RUBCN: variants seen among roughly 807,000 people sequenced by gnomAD.
The protein encoded by RUBCN is run domain Beclin-1-interacting and cysteine-rich domain-containing protein.
A neutral mutation model predicts 113.2 loss-of-function variants in RUBCN; 74 were observed. The ratio of observed to expected loss-of-function variants is 0.65; its 90% CI spans 0.54 to 0.79. The LOEUF (loss-of-function observed/expected upper bound fraction) is 0.79, where lower values mean the gene tolerates loss of function less well. Among genes scored for constraint, RUBCN ranks in the 30% least tolerant of loss-of-function variants. RUBCN has a pLI of 0.00. For synonymous variants in RUBCN, 480 were observed against 490.0 expected (o/e 0.98, Z 0.27); for missense variants, 1,109 against 1,251.7 (o/e 0.89, Z 1.72).
chr3:197,681,277 C>CGGCT lies in RUBCN; in HGVS notation c.2278_2281dup (p.Arg761GlnfsTer24). The CGGCT allele has an allele frequency of 6.2e-7, 1 of 1,614,158 alleles. No homozygotes were observed. The highest frequency in any genetic ancestry group is 8.5e-7 in the Non-Finnish European group (1 of 1,180,014). On this transcript the variant is annotated frameshift_variant, in exon 16 of 20. Coordinates refer to ENST00000296343, the MANE Select transcript of RUBCN (RefSeq NM_014687.4). LOFTEE classifies it high-confidence loss of function. The surrounding 1 kb of genome is among the most constrained non-coding windows in gnomAD (Gnocchi z 5.5). ...GCTGAAGTCCCACTTGCGCAGAACC[C>CGGCT]GGCTGGGGATGGCCATCTGGGCATT... is the stretch of plus-strand genomic sequence containing the variant.
At chr3:197,735,300 G>A (rs1727991222) in intron 1 of RUBCN, among the ~76,000 whole-genome samples, 1 of 152,236 alleles carries the variant, frequency 6.6e-6, no homozygotes, top group South Asian at 2.1e-4. Context: ...TTGGGAAGCT[G>A]AGCTAGTATA....
At position 197,668,943 on chromosome 3, in the gene RUBCN, C is replaced by T. The variant is rs1719563903; in HGVS notation, c.*6075G>A. On this transcript the variant is annotated 3_prime_UTR_variant, in exon 20 of 20. Transcript: ENST00000296343. Reference sequence around the variant, plus strand: ...TAAGCAGATAAGAGGAAAAAATACTCCACAATGCCACCATTCTAACAGAAC... The same window carrying T: ...TAAGCAGATAAGAGGAAAAAATACTTCACAATGCCACCATTCTAACAGAAC... Among the ~76,000 whole-genome samples, 1 of 152,118 alleles carries T rather than the reference C, an allele frequency of 6.6e-6. No individual in the cohort carries two copies. The highest frequency in any genetic ancestry group is 2.4e-5 in the African/African-American group (1 of 41,404).
At chr3:197,749,544 G>T (rs1728914364) in exon 1 of RUBCN, 1 of 1,291,250 alleles carries the variant, frequency 7.7e-7, no homozygotes, top group Admixed American at 2.3e-5. Flanking sequence ...GCTGCGTTGC[G>T]GTGGGCGCGA....
At position 197,673,749 on chromosome 3, in the gene RUBCN, C is replaced by G. The variant is rs915880600; in HGVS notation, c.*1269G>C. 2.0e-5 allele frequency: 3 copies of G among 152,634 alleles called. No individual in the cohort carries two copies. The highest frequency in any genetic ancestry group is 7.2e-5 in the African/African-American group (3 of 41,462). 9.5% of individuals were successfully genotyped at this position (152,634 alleles called of 1,614,324 possible). ...CACATTAACGGGGGGAGGGGGGCAG[C>G]ACACTAAAATCAGCATTATCAAATG... On this transcript the variant is annotated 3_prime_UTR_variant, in exon 20 of 20. Coordinates refer to ENST00000296343, the MANE Select transcript of RUBCN (RefSeq NM_014687.4).
chr3:197,671,232 T>C lies in RUBCN; in HGVS notation c.*3786A>G, dbSNP rs1218045316. Among the ~76,000 whole-genome samples the C allele has an allele frequency of 1.3e-5, 2 of 152,162 alleles. No individual in the cohort carries two copies. The highest frequency in any genetic ancestry group is 2.9e-5 in the Non-Finnish European group (2 of 68,036). On this transcript the variant is annotated 3_prime_UTR_variant, in exon 20 of 20. Coordinates refer to ENST00000296343, the MANE Select transcript of RUBCN (RefSeq NM_014687.4). ...TTTTGTGATGTTAGCCAGGCTGGTCTTGAATTCCTGACCTCAGGTGATCCC... is the reference window on the plus strand; with the variant it reads ...TTTTGTGATGTTAGCCAGGCTGGTCCTGAATTCCTGACCTCAGGTGATCCC...
chr3:197,680,807 C>A (rs965900578), intron 16 of RUBCN, among the ~76,000 whole-genome samples: 7 of 152,072 alleles, frequency 4.6e-5, no homozygotes, highest in African/African-American at 1.4e-4. Flanking sequence ...CAAGTGCTAT[C>A]TACAGCTTCC....
chr3:197,704,471 A>C, intron 4 of RUBCN, 71 bp downstream of exon 4: 4 of 1,411,004 alleles, frequency 2.8e-6, no homozygotes, highest in Non-Finnish European at 4.0e-6. Context: ...CTGGTACCAG[A>C]GGGGTAGAGG....
intron 13 of RUBCN, among the ~76,000 whole-genome samples, 185 bp from the exon 14 acceptor site, chr3:197,682,800 A>T (rs1721397952): frequency 6.6e-6 from 1 of 152,170 alleles, no homozygotes; most frequent in Non-Finnish European, 1.5e-5. Context: ...AGTGAAAGAC[A>T]TTTCAGGAAC....
chr3:197,681,922 C>T lies in RUBCN; in HGVS notation c.2127-23G>A. On this transcript the variant is annotated intron_variant, in intron 14 of 19. Transcript: ENST00000296343. This position sits in a 1 kb window ranked among gnomAD's most constrained non-coding sequence, Gnocchi z 5.5. Reference sequence around the variant, plus strand: ...CTCCTGAGGAAGGGTAAGGACAGGGCATTGGCACAGAGCAGCTGCGTGAGA... The same window carrying T: ...CTCCTGAGGAAGGGTAAGGACAGGGTATTGGCACAGAGCAGCTGCGTGAGA... 6.2e-7 allele frequency: 1 copy of T among 1,603,326 alleles called. No homozygotes were observed.
At chr3:197,733,297 A>G (rs1727732035) in intron 1 of RUBCN, among the ~76,000 whole-genome samples, 1 of 152,014 alleles carries the variant, frequency 6.6e-6, no homozygotes, top group African/African-American at 2.4e-5. Flanking sequence ...ACATGGTGAG[A>G]CTCTGTCACT....
At chr3:197,679,637 C>G (rs1175960811) in intron 16 of RUBCN, among the ~76,000 whole-genome samples, 1 of 148,022 alleles carries the variant, frequency 6.8e-6, no homozygotes, top group Non-Finnish European at 1.5e-5. Flanking sequence ...GTCCTACGCT[C>G]TAACTGACAA....
At chr3:197,704,178 T>C (rs1286825695) in intron 4 of RUBCN, among the ~76,000 whole-genome samples, 3 of 152,220 alleles carry the variant, frequency 2.0e-5, no homozygotes, top group African/African-American at 7.2e-5. Flanking sequence ...GTCACGCCTG[T>C]AATCCCAGCA....
At chr3:197,690,992 C>A in intron 11 of RUBCN, 1 of 724,202 alleles carries the variant, frequency 1.4e-6, no homozygotes, top group Non-Finnish European at 2.1e-6. Context: ...ACAGTTATCA[C>A]ATGATTAAGT....
At chr3:197,688,901 T>C (rs938245) in intron 11 of RUBCN, among the ~76,000 whole-genome samples, 35,356 of 152,114 alleles carry the variant, frequency 0.23, 7,708 homozygotes, top group African/African-American at 0.58. Flanking sequence ...AGGAATTCAC[T>C]GTAAACTGAC....
At chr3:197,718,190 T>C (rs1175068167) in intron 1 of RUBCN, 60 bp from the exon 2 acceptor site, 1 of 1,599,764 alleles carries the variant, frequency 6.3e-7, no homozygotes, top group Non-Finnish European at 8.6e-7. Flanking sequence ...ATCCTGATCA[T>C]ATCAAAGAAA....
Position 197,694,502 on chromosome 3 carries a change from C to G in RUBCN, c.1557G>C (p.Glu519Asp). The G allele has an allele frequency of 6.2e-7, 1 of 1,614,198 alleles. No homozygotes were observed. Among genetic ancestry groups the G allele is most frequent in the Non-Finnish European group, 8.5e-7 (1 of 1,180,014 alleles). Residue 519 changes from glutamate (E) to aspartate (D), a missense_variant, in exon 10 of 20, where the codon GAG becomes GAC. Coordinates refer to ENST00000296343, the MANE Select transcript of RUBCN (RefSeq NM_014687.4). The part of the protein sequence containing the change: ...MKCNMMSQCL[E>D]EEEVEEEDSD... ...TGTCTTCCTCTTCCACTTCCTCCTC[C>G]TCTAGGCACTGGCTCATCATGTTGC...
chr3:197,704,223 T>C (rs1396204476), intron 4 of RUBCN, among the ~76,000 whole-genome samples: 2 of 151,964 alleles, frequency 1.3e-5, no homozygotes, highest in African/African-American at 4.8e-5. Context: ...TCACCTGAGG[T>C]TGGGAGTTCG....
intron 14 of RUBCN, 97 bp downstream of exon 14, chr3:197,682,373 G>A (rs1721341393): frequency 7.0e-6 from 10 of 1,424,642 alleles, no homozygotes; most frequent in Non-Finnish European, 9.8e-6. Context: ...GTGTGGGAAG[G>A]ACAGCTGGAG....
chr3:197,687,830 T>C (rs919711907), intron 11 of RUBCN, among the ~76,000 whole-genome samples: 1 of 152,174 alleles, frequency 6.6e-6, no homozygotes, highest in East Asian at 1.9e-4. Context: ...GCTGCTGGCA[T>C]GCCACCTCCC....
Sources: gnomAD v4.1 joint callset for allele counts (sites outside exome capture counted in the v4.1 genomes callset) on GRCh38, gnomAD v4.1.1 for gene constraint, Gnocchi (gnomAD v3.1) non-coding constraint, MANE v1.5 for transcripts, NCBI Gene and HGNC (gene_info 2026-07-23, HGNC 2026-07-21) for gene names.